Variants in HDX observed in about 807,000 individuals in gnomAD.
HDX encodes highly divergent homeobox.
Under a neutral mutation model 45.2 loss-of-function variants are expected in HDX, and 19 were observed. The ratio of observed to expected loss-of-function variants is 0.42; its 90% CI spans 0.29 to 0.62. The LOEUF (loss-of-function observed/expected upper bound fraction) is 0.62. Ranked by LOEUF, HDX falls within the 20% of genes least tolerant of loss-of-function variation. The pLI is 0.20. For missense variants in HDX, 532 were observed against 493.9 expected (o/e 1.08, Z -0.73); for synonymous variants, 188 against 172.8 (o/e 1.09, Z -0.69).
chrX:84,449,642 C>T (rs767038377), intron 4 of HDX, among the ~76,000 whole-genome samples: 90 of 111,748 alleles, frequency 8.1e-4, no homozygotes, highest in African/African-American at 2.7e-3. Flanking sequence ...CACCACTAGA[C>T]TCACCCTGAA....
intron 5 of HDX, among the ~76,000 whole-genome samples, chrX:84,387,404 C>A (rs1011596419): frequency 1.8e-5 from 2 of 111,586 alleles, no homozygotes; most frequent in African/African-American, 6.5e-5. Flanking sequence ...AATGATCTGT[C>A]TAACAATGTC....
intron 8 of HDX, among the ~76,000 whole-genome samples, chrX:84,334,086 T>C (rs2036902917): frequency 9.0e-6 from 1 of 111,255 alleles, no homozygotes; most frequent in African/African-American, 3.3e-5. Flanking sequence ...AAAATGTCTT[T>C]CTACAATATC....
intron 2 of HDX, among the ~76,000 whole-genome samples, chrX:84,484,562 A>C (rs764504508): frequency 5.4e-5 from 6 of 111,889 alleles, no homozygotes; most frequent in Non-Finnish European, 1.1e-4. Context: ...GATTATGGGA[A>C]CTATAATTCA....
intron 5 of HDX, among the ~76,000 whole-genome samples, chrX:84,387,148 C>T (rs778811854): frequency 7.2e-5 from 8 of 111,791 alleles, no homozygotes; most frequent in African/African-American, 2.6e-4. Flanking sequence ...TGTGTAGTTT[C>T]GAGAGATCTT....
intron 5 of HDX, among the ~76,000 whole-genome samples, chrX:84,378,421 G>A (rs2038107160): frequency 9.0e-6 from 1 of 111,148 alleles, no homozygotes; most frequent in Admixed American, 9.6e-5. Flanking sequence ...ATGATAAACC[G>A]ATCAAAAATA....
At chrX:84,373,875 T>C (rs1245117454) in intron 5 of HDX, among the ~76,000 whole-genome samples, 2 of 110,187 alleles carry the variant, frequency 1.8e-5, no homozygotes, top group Non-Finnish European at 3.8e-5. Flanking sequence ...CTCTCACCAC[T>C]CCTATTCAAC....
Position 84,319,221 on chromosome X carries a change from A to C in HDX, c.*2668T>G, listed in dbSNP as rs1428256959. 9.0e-6 allele frequency: 1 copy of C among 110,591 alleles called. No homozygotes were observed. Among genetic ancestry groups the C allele is most frequent in the African/African-American group, 3.3e-5 (1 of 30,636 alleles). The allele number at this position is 110,591 out of a possible 1,213,427, so 9.1% of individuals were successfully genotyped here. ...GCCTTCAGATAGTAAGGTCTGTTTTAATAATCTCAAAGCCCTAAAGAAAGA... is the reference window on the plus strand; with the variant it reads ...GCCTTCAGATAGTAAGGTCTGTTTTCATAATCTCAAAGCCCTAAAGAAAGA... On this transcript the variant is annotated 3_prime_UTR_variant, in exon 11 of 11. Transcript: ENST00000373177.
intron 5 of HDX, among the ~76,000 whole-genome samples, chrX:84,438,341 T>G (rs2039684963): frequency 8.9e-6 from 1 of 111,897 alleles, no homozygotes; most frequent in South Asian, 3.7e-4. Context: ...AGCTTCATTT[T>G]TATGTATCCT....
intron 5 of HDX, among the ~76,000 whole-genome samples, chrX:84,390,121 G>A (rs1417247657): frequency 9.1e-6 from 1 of 109,689 alleles, no homozygotes; most frequent in Non-Finnish European, 1.9e-5. Flanking sequence ...GGTTTACTTC[G>A]TAATTAGGTC....
At chrX:84,489,518 G>A (rs2040855409) in intron 1 of HDX, among the ~76,000 whole-genome samples, 1 of 111,754 alleles carries the variant, frequency 8.9e-6, no homozygotes, top group Non-Finnish European at 1.9e-5. Flanking sequence ...CCACTCCCAG[G>A]TCAGTCTGTC....
chrX:84,482,088 G>A (rs1242312421), intron 2 of HDX, among the ~76,000 whole-genome samples: 2 of 111,698 alleles, frequency 1.8e-5, no homozygotes, highest in Admixed American at 1.9e-4. Flanking sequence ...TGTTGTATAT[G>A]TACCACATTT....
In HDX at chrX:84,318,424, C is replaced by A. The variant is rs781234836; in HGVS notation, c.*3465G>T. The A allele has an allele frequency of 8.1e-5, 9 of 110,706 alleles. No individual in the cohort carries two copies. The highest frequency in any genetic ancestry group is 1.7e-4 in the Non-Finnish European group (9 of 52,500). 9.1% of individuals were successfully genotyped at this position (110,706 alleles called of 1,213,427 possible). A position where few individuals can be genotyped will look rare whatever the true frequency, so the allele number is the denominator to read the frequency against. ...AAATCTAATATATTAAAAAAGTAGACAATATTTCTGGAATAACACAACTGT... is the reference window on the plus strand; with the variant it reads ...AAATCTAATATATTAAAAAAGTAGAAAATATTTCTGGAATAACACAACTGT... On this transcript the variant is annotated 3_prime_UTR_variant, in exon 11 of 11. Coordinates refer to ENST00000373177, the MANE Select transcript of HDX (RefSeq NM_001177479.2).
At chrX:84,332,010 AT>A (rs887774707) in intron 9 of HDX, among the ~76,000 whole-genome samples, 1 of 111,432 alleles carries the variant, frequency 9.0e-6, no homozygotes, top group Admixed American at 9.6e-5. Flanking sequence ...TGTGGTTTTC[AT>A]CCCCAAACAA....
rs770276716 is a variant in HDX at position 84,468,997 on chromosome X, G to A, written c.726C>T (p.Asn242=). 10 of 1,209,786 alleles carry A rather than the reference G, an allele frequency of 8.3e-6. No homozygotes were observed. In the Admixed American group the frequency reaches 1.1e-4, roughly 13 times the overall value. Residue 242 remains asparagine (N), a synonymous_variant, in exon 4 of 11, where the codon AAC becomes AAT. Coordinates refer to ENST00000373177, the MANE Select transcript of HDX (RefSeq NM_001177479.2). ...TAATAGTTGGCTTTTGCCCACATAAGTTATGTAATGCTGGGCCTGTGTGTT... is the reference window on the plus strand; with the variant it reads ...TAATAGTTGGCTTTTGCCCACATAAATTATGTAATGCTGGGCCTGTGTGTT... ...KPEHTGPALH[N]LCGQKPTIRD... is the part of the protein sequence containing the mutation.
chrX:84,352,793 T>C (rs2037390357), intron 6 of HDX, among the ~76,000 whole-genome samples: 1 of 112,213 alleles, frequency 8.9e-6, no homozygotes, highest in Non-Finnish European at 1.9e-5. Flanking sequence ...AAAATTGTCA[T>C]GTAATCTCTC....
At chrX:84,430,380 T>G (rs1158124089) in intron 5 of HDX, among the ~76,000 whole-genome samples, 2 of 111,247 alleles carry the variant, frequency 1.8e-5, no homozygotes, top group Admixed American at 1.9e-4. Flanking sequence ...TAGTATTCAA[T>G]TGTGTATATA....
intron 6 of HDX, among the ~76,000 whole-genome samples, chrX:84,355,891 CA>C (rs201144512): frequency 0.14 from 12,408 of 87,146 alleles, 614 homozygotes; most frequent in East Asian, 0.28. Context: ...TGTAGCAGGA[CA>C]AAAAAAAAAA....
chrX:84,459,467 G>C (rs1194316666), intron 4 of HDX, among the ~76,000 whole-genome samples: 1 of 109,127 alleles, frequency 9.2e-6, no homozygotes, highest in African/African-American at 3.3e-5. Flanking sequence ...AAAAAGAAAA[G>C]AAAAGGAATA....
intron 5 of HDX, among the ~76,000 whole-genome samples, chrX:84,415,416 T>C (rs1003817147): frequency 9.0e-6 from 1 of 111,683 alleles, no homozygotes; most frequent in African/African-American, 3.3e-5. Context: ...TTGGTAATGG[T>C]AGCATTGGTT....
Sources: gnomAD v4.1 joint callset for allele counts (sites outside exome capture counted in the v4.1 genomes callset) on GRCh38, gnomAD v4.1.1 for gene constraint, MANE v1.5 for transcripts, NCBI Gene and HGNC (gene_info 2026-07-23, HGNC 2026-07-21) for gene names.